Variants in PARM1 observed in about 807,000 individuals in gnomAD.
The protein encoded by PARM1 is WSC4, cell wall integrity and stress response component 4 homolog.
PARM1 carries 14 observed loss-of-function variants against 24.6 expected under a neutral mutation model. That is an observed-to-expected ratio of 0.57 (90% CI 0.38 to 0.89). PARM1 has a LOEUF of 0.89. Ranked by LOEUF, PARM1 falls within the 40% of genes least tolerant of loss-of-function variation. The pLI, the probability that PARM1 is intolerant of heterozygous loss-of-function variation, is 0.00. For missense variants in PARM1, 362 were observed against 380.4 expected (o/e 0.95, Z 0.40); for synonymous variants, 179 against 156.6 (o/e 1.14, Z -1.07).
At chr4:74,933,411 GGGCCCCAGTAGCTAGC>G in intron 1 of PARM1, 41 bp downstream of exon 1, 1 of 1,582,308 alleles carries the variant, frequency 6.3e-7, no homozygotes, top group Non-Finnish European at 8.7e-7. Flanking sequence ...GTCGCGGGGT[GGGCCCCAGTAGCTAGC>G]GCGTGGTCGG....
rs371114006 is a variant in PARM1, at chr4:75,012,479, C to A, written c.98C>A (p.Thr33Lys). The A allele has an allele frequency of 1.0e-4, 169 of 1,613,784 alleles. 1 individual carries two copies. Among genetic ancestry groups the A allele is most frequent in the Non-Finnish European group, 2.1e-5 (25 of 1,179,832 alleles). The change falls in exon 2 of 4, where the codon ACA becomes AAA. Residue 33 changes from threonine to lysine, a missense_variant. Transcript: ENST00000307428. ...TSAPLSVSLP[T>K]NIVPPTTIWT... ...GCTCCTTTGTCTGTTTCTCTTCCGA[C>A]AAACATTGTACCACCGACCACCATC...
chr4:74,974,631 T>C (rs1722105030), intron 1 of PARM1, among the ~76,000 whole-genome samples: 1 of 152,198 alleles, frequency 6.6e-6, no homozygotes, highest in African/African-American at 2.4e-5. Flanking sequence ...CACATGTTAT[T>C]GTGACCTCCC....
At chr4:75,021,072 C>T (rs2109800915) in intron 2 of PARM1, among the ~76,000 whole-genome samples, 1 of 152,284 alleles carries the variant, frequency 6.6e-6, no homozygotes, top group Middle Eastern at 3.4e-3. Flanking sequence ...ATTCCCAGCA[C>T]CTAACAGTGT....
intron 1 of PARM1, among the ~76,000 whole-genome samples, chr4:74,959,192 T>G (rs1288722115): frequency 2.0e-5 from 3 of 152,224 alleles, no homozygotes; most frequent in Non-Finnish European, 2.9e-5. Context: ...GAGATCTAGA[T>G]TTATAAAATC....
intron 1 of PARM1, among the ~76,000 whole-genome samples, chr4:74,946,279 A>C (rs953088217): frequency 1.3e-5 from 2 of 152,182 alleles, no homozygotes; most frequent in Admixed American, 1.3e-4. Context: ...GAACTACCAA[A>C]TCAGTTGCTA....
At chr4:74,996,501 T>C (rs1230870714) in intron 1 of PARM1, among the ~76,000 whole-genome samples, 1 of 152,148 alleles carries the variant, frequency 6.6e-6, no homozygotes, top group Non-Finnish European at 1.5e-5. Flanking sequence ...AAGTGGGCAG[T>C]GGGGAGTTGC....
At chr4:74,964,041 G>A (rs569003823) in intron 1 of PARM1, among the ~76,000 whole-genome samples, 3 of 152,256 alleles carry the variant, frequency 2.0e-5, no homozygotes, top group Non-Finnish European at 2.9e-5. Flanking sequence ...AATGACCCTC[G>A]CTAGGGAATG....
At chr4:75,025,981 T>A (rs778535176) in intron 2 of PARM1, among the ~76,000 whole-genome samples, 3 of 152,218 alleles carry the variant, frequency 2.0e-5, no homozygotes, top group Non-Finnish European at 4.4e-5. Flanking sequence ...AGTTTACCTC[T>A]GCCACTCTGT....
intron 1 of PARM1, among the ~76,000 whole-genome samples, chr4:74,942,740 T>C (rs1182075748): frequency 1.3e-5 from 2 of 152,242 alleles, no homozygotes; most frequent in Non-Finnish European, 2.9e-5. Flanking sequence ...AGAGCACTGC[T>C]GTGGCCTCCT....
At chr4:74,933,405 C>T (rs753080661) in intron 1 of PARM1, 35 bp downstream of exon 1, 4 of 1,597,750 alleles carry the variant, frequency 2.5e-6, no homozygotes, top group Non-Finnish European at 2.6e-6. Flanking sequence ...GGGCAGGTCG[C>T]GGGGTGGGCC....
At chr4:74,981,987 C>T (rs1722266541) in intron 1 of PARM1, among the ~76,000 whole-genome samples, 1 of 151,970 alleles carries the variant, frequency 6.6e-6, no homozygotes, top group Admixed American at 6.6e-5. Context: ...TATAAGATAC[C>T]CGCACTCATA....
At chr4:74,971,190 C>T (rs1722027917) in intron 1 of PARM1, among the ~76,000 whole-genome samples, 1 of 152,126 alleles carries the variant, frequency 6.6e-6, no homozygotes, top group South Asian at 2.1e-4. Context: ...GCTAGGGAGG[C>T]CTCACAATCA....
chr4:75,026,167 T>TA (rs1723179623), intron 2 of PARM1, among the ~76,000 whole-genome samples: 1 of 152,216 alleles, frequency 6.6e-6, no homozygotes, highest in African/African-American at 2.4e-5. Context: ...TTTTGCAACA[T>TA]AACTACTAAT....
At chr4:74,949,469 C>T (rs1007873719) in intron 1 of PARM1, among the ~76,000 whole-genome samples, 1 of 152,130 alleles carries the variant, frequency 6.6e-6, no homozygotes, top group Non-Finnish European at 1.5e-5. Flanking sequence ...CCCGCCACCA[C>T]GCCTGGCTAA....
In PARM1 at chr4:75,048,732, T is replaced by C. The variant is rs985701641; in HGVS notation, c.*2485T>C. On this transcript the variant is annotated 3_prime_UTR_variant, in exon 4 of 4. Coordinates refer to ENST00000307428, the MANE Select transcript of PARM1 (RefSeq NM_015393.4). ...GCACATAATGGGTCTGTTGCTCTTA[T>C]TGGCTTCCAAATGTGCATGGCAAAG... The C allele has an allele frequency of 3.3e-5, 5 of 152,624 alleles. No individual in the cohort carries two copies. The highest frequency in any genetic ancestry group is 1.2e-4 in the African/African-American group (5 of 41,446). 9.5% of individuals were successfully genotyped at this position (152,624 alleles called of 1,614,324 possible). A position where few individuals can be genotyped will look rare whatever the true frequency, so the allele number is the denominator to read the frequency against.
intron 1 of PARM1, among the ~76,000 whole-genome samples, chr4:74,936,080 C>T (rs1721177387): frequency 6.6e-6 from 1 of 152,138 alleles, no homozygotes; most frequent in Non-Finnish European, 1.5e-5. Flanking sequence ...AGTGATCCTC[C>T]CACCTTGGTC....
At chr4:74,933,517 G>A (rs376430335) in intron 1 of PARM1, 147 bp downstream of exon 1, 7 of 698,146 alleles carry the variant, frequency 1.0e-5, no homozygotes, top group African/African-American at 7.1e-5. Context: ...TTAGATTTGG[G>A]GTGACGTGCA....
chr4:74,954,157 G>T lies in PARM1; in HGVS notation c.43+20787G>T, dbSNP rs1242573456. 4.6e-5 allele frequency among the ~76,000 whole-genome samples: 7 copies of T among 152,332 alleles called. No homozygotes were observed. In the East Asian group the frequency reaches 1.3e-3, roughly 29 times the overall value. On this transcript the variant is annotated intron_variant, in intron 1 of 3. Coordinates refer to ENST00000307428, the MANE Select transcript of PARM1 (RefSeq NM_015393.4). The stretch of plus-strand genomic sequence containing the variant: ...TCACTATTTCAGCAAGAGCTACCCA[G>T]GAAGAACCAAAAGCCTTCTGAGATG...
In PARM1 at chr4:75,043,783, C is replaced by T. The variant is rs970430696; in HGVS notation, c.849-2380C>T. ...ATTTGGGGAGAGTGTTGGCCATAGA[C>T]AGCCCATGACCTTTGTTTACCAAAG... On this transcript the variant is annotated intron_variant, in intron 3 of 3. Coordinates refer to ENST00000307428, the MANE Select transcript of PARM1 (RefSeq NM_015393.4). Among the ~76,000 whole-genome samples, 4 of 152,296 alleles carry T rather than the reference C, an allele frequency of 2.6e-5. No homozygotes were observed. The East Asian group carries it at 7.7e-4, about 29-fold the overall frequency.
Sources: allele counts gnomAD v4.1 joint callset (sites outside exome capture counted in the v4.1 genomes callset), GRCh38; gene constraint gnomAD v4.1.1; transcripts MANE v1.5; gene names NCBI Gene and HGNC (gene_info 2026-07-23, HGNC 2026-07-21).